Variants in SESTD1 observed in about 807,000 individuals in gnomAD.
The protein encoded by SESTD1 is SEC14 domain and spectrin repeat-containing protein 1.
A neutral mutation model predicts 101.7 loss-of-function variants in SESTD1; 43 were observed. The ratio of observed to expected loss-of-function variants is 0.42; its 90% CI spans 0.33 to 0.55. The LOEUF is 0.55. SESTD1 is among the 20% of genes least tolerant of loss of function. The probability of loss-of-function intolerance (pLI) is 0.07; values close to 1 mark genes in which losing one functional copy is unlikely to be tolerated. For missense variants in SESTD1, 647 were observed against 815.1 expected, an observed-to-expected ratio of 0.79 and a Z score of 2.51; for synonymous variants, 283 against 286.8, an observed-to-expected ratio of 0.99 and a Z score of 0.13.
rs560114792 is a variant in SESTD1, at chr2:179,161,511, A to C, written c.370-10120T>G. ...CCCTGTCTCTACTAAAAATGCAAAA[A>C]TGTGCTGGGCGTGGTGGCACATGCC... On this transcript the variant is annotated intron_variant, in intron 5 of 17. Coordinates refer to ENST00000428443, the MANE Select transcript of SESTD1 (RefSeq NM_178123.5). 2.0e-5 allele frequency among the ~76,000 whole-genome samples: 3 copies of C among 152,202 alleles called. No individual in the cohort carries two copies. The South Asian group carries it at 6.2e-4, about 32-fold the overall frequency.
intron 2 of SESTD1, among the ~76,000 whole-genome samples, chr2:179,185,478 TATC>T (rs951250936): frequency 1.8e-4 from 25 of 141,934 alleles, no homozygotes; most frequent in East Asian, 4.1e-4. Flanking sequence ...ATATATTACT[TATC>T]ATATATACAA....
chr2:179,197,264 A>G lies in SESTD1; in HGVS notation c.-25-5398T>C, dbSNP rs188294439. On this transcript the variant is annotated intron_variant, in intron 1 of 17. Coordinates refer to ENST00000428443, the MANE Select transcript of SESTD1 (RefSeq NM_178123.5). ...CGAGAAGGGAAATTTAGAGAAAAAA[A>G]AATAAAAACAAATGAGCAAAGCCTC... 4.8e-3 allele frequency among the ~76,000 whole-genome samples: 731 copies of G among 152,262 alleles called. 1 individual carries two copies. The highest frequency in any genetic ancestry group is 0.016 in the African/African-American group (677 of 41,542).
chr2:179,240,796 A>T (rs2105546691), intron 1 of SESTD1, among the ~76,000 whole-genome samples: 1 of 152,278 alleles, frequency 6.6e-6, no homozygotes, highest in East Asian at 1.9e-4. Flanking sequence ...AAAGCCAAGT[A>T]GGGATCCAAC....
chr2:179,264,115 A>G (rs1158546932), intron 1 of SESTD1: 1 of 152,242 alleles, frequency 6.6e-6, no homozygotes, highest in Non-Finnish European at 1.5e-5. Context: ...CTAACGCCCA[A>G]ACCTGTTGCA....
chr2:179,205,726 G>C lies in SESTD1; in HGVS notation c.-25-13860C>G, dbSNP rs1264911139. Among the ~76,000 whole-genome samples, 2 of 134,966 alleles carry C rather than the reference G, an allele frequency of 1.5e-5. 1 individual carries two copies. The highest frequency in any genetic ancestry group is 5.9e-5 in the African/African-American group (2 of 34,158). The allele number at this position is 134,966 out of a possible 152,430, so 88.5% of individuals were successfully genotyped here. A position where few individuals can be genotyped will look rare whatever the true frequency, so the allele number is the denominator to read the frequency against. On this transcript the variant is annotated intron_variant, in intron 1 of 17. Transcript: ENST00000428443. ...AGCTTAAATACTAAAGAGAAATACA[G>C]TTTTGTGGGTGTATAAGCCAAGATC... is the stretch of plus-strand genomic sequence containing the variant.
At chr2:179,188,361 A>G (rs1481334693) in intron 2 of SESTD1, among the ~76,000 whole-genome samples, 1 of 152,228 alleles carries the variant, frequency 6.6e-6, no homozygotes, top group Non-Finnish European at 1.5e-5. Context: ...GCAGAAATCA[A>G]AAAATTGTTT....
chr2:179,185,058 T>G (rs533099222), intron 2 of SESTD1, among the ~76,000 whole-genome samples: 1 of 152,194 alleles, frequency 6.6e-6, no homozygotes, highest in South Asian at 2.1e-4. Flanking sequence ...TGTCTACTAT[T>G]GAAAAGAGTG....
intron 1 of SESTD1, among the ~76,000 whole-genome samples, chr2:179,202,107 T>C (rs2046526548): frequency 7.5e-6 from 1 of 133,328 alleles, no homozygotes; most frequent in Non-Finnish European, 1.6e-5. Context: ...TTATTTAGGA[T>C]AGTCTTTCTA....
intron 1 of SESTD1, among the ~76,000 whole-genome samples, chr2:179,233,906 TG>T (rs985760731): frequency 6.6e-6 from 1 of 152,138 alleles, no homozygotes; most frequent in African/African-American, 2.4e-5. Flanking sequence ...TCTGTACACT[TG>T]GGGGGCTCTG....
Position 179,156,550 on chromosome 2 carries a change from C to T in SESTD1, c.370-5159G>A, listed in dbSNP as rs1006052348. ...GTTAAGGTGGTATCACATTGTGGTA[C>T]TGATTTGCATTTCCCTAATCATTAG... On this transcript the variant is annotated intron_variant, in intron 5 of 17. Coordinates refer to ENST00000428443, the MANE Select transcript of SESTD1 (RefSeq NM_178123.5). Among the ~76,000 whole-genome samples the T allele has an allele frequency of 4.6e-5, 7 of 152,230 alleles. No individual in the cohort carries two copies. In the South Asian group the frequency reaches 1.5e-3, roughly 32 times the overall value.
At chr2:179,187,853 A>T (rs566604206) in intron 2 of SESTD1, among the ~76,000 whole-genome samples, 2 of 152,342 alleles carry the variant, frequency 1.3e-5, no homozygotes, top group Admixed American at 1.3e-4. Flanking sequence ...ACATAATAAT[A>T]AAGGGTTCAA....
intron 5 of SESTD1, among the ~76,000 whole-genome samples, chr2:179,158,552 C>T (rs77187403): frequency 0.031 from 4,708 of 152,148 alleles, 98 homozygotes; most frequent in Middle Eastern, 0.068. Flanking sequence ...ACAGATTCAC[C>T]TTCTTTTATG....
chr2:179,231,651 G>C (rs962051646), intron 1 of SESTD1, among the ~76,000 whole-genome samples: 2 of 149,674 alleles, frequency 1.3e-5, no homozygotes, highest in Admixed American at 6.6e-5. Flanking sequence ...TTTTTCATTT[G>C]GCTATTAAAA....
intron 1 of SESTD1, chr2:179,263,928 A>T (rs1226969517): frequency 3.3e-5 from 5 of 152,388 alleles, no homozygotes; most frequent in Non-Finnish European, 5.9e-5. Context: ...GGAGGCGTCC[A>T]GGAGCCTCGG....
Position 179,117,667 on chromosome 2 carries a change from T to A in SESTD1, c.1443-54A>T, listed in dbSNP as rs1457197968. The A allele has an allele frequency of 2.2e-6, 3 of 1,371,930 alleles. No individual in the cohort carries two copies. In the South Asian group the frequency reaches 4.4e-5, roughly 20 times the overall value. The allele number at this position is 1,371,930 out of a possible 1,614,324, so 85.0% of individuals were successfully genotyped here. On this transcript the variant is annotated intron_variant, in intron 13 of 17. Transcript: ENST00000428443. ...ATCATTTCTGTTTTATTGATTACTATTGTAACATCATCATTTGGTACATGT... is the reference window on the plus strand; with the variant it reads ...ATCATTTCTGTTTTATTGATTACTAATGTAACATCATCATTTGGTACATGT...
intron 1 of SESTD1, among the ~76,000 whole-genome samples, chr2:179,198,691 G>A (rs2046447264): frequency 6.6e-6 from 1 of 151,784 alleles, no homozygotes; most frequent in Admixed American, 6.6e-5. Context: ...TGAACAACCT[G>A]CTCCTGAATG....
At chr2:179,114,828 A>C (rs1403996216) in intron 16 of SESTD1, among the ~76,000 whole-genome samples, 4 of 152,248 alleles carry the variant, frequency 2.6e-5, no homozygotes, top group Non-Finnish European at 4.4e-5. Flanking sequence ...AAAGAGAAGA[A>C]GACTACCAGG....
At position 179,190,719 on chromosome 2, in the gene SESTD1, G is replaced by A. The variant is rs558668982; in HGVS notation, c.55+1068C>T. Among the ~76,000 whole-genome samples the A allele has an allele frequency of 3.3e-5, 5 of 152,138 alleles. No homozygotes were observed. The South Asian group carries it at 1.0e-3, about 32-fold the overall frequency. On this transcript the variant is annotated intron_variant, in intron 2 of 17. Coordinates refer to ENST00000428443, the MANE Select transcript of SESTD1 (RefSeq NM_178123.5). The stretch of plus-strand genomic sequence containing the variant: ...AAACAAATAACCCCATTAAAAAGTG[G>A]GCAAAGGACATGAACAGACATTTCT...
At chr2:179,178,762 G>A (rs924486554) in intron 3 of SESTD1, among the ~76,000 whole-genome samples, 1 of 152,152 alleles carries the variant, frequency 6.6e-6, no homozygotes, top group Non-Finnish European at 1.5e-5. Context: ...AATGTGCCAT[G>A]TGCCATTCTC....
Sources: gnomAD v4.1 joint callset for allele counts (sites outside exome capture counted in the v4.1 genomes callset) on GRCh38, gnomAD v4.1.1 for gene constraint, MANE v1.5 for transcripts, NCBI Gene and HGNC (gene_info 2026-07-23, HGNC 2026-07-21) for gene names.